Variants in CYP2J2 observed in about 807,000 individuals in gnomAD.
CYP2J2 encodes the protein cytochrome P450 2J2.
In CYP2J2, 41 loss-of-function variants were observed where a neutral mutation model predicts 48.8. The ratio of observed to expected loss-of-function variants is 0.84; its 90% CI spans 0.66 to 1.09. CYP2J2 has a LOEUF of 1.09. Ranked by LOEUF, CYP2J2 falls within the 50% of genes least tolerant of loss-of-function variation. The pLI is 0.00. For synonymous variants in CYP2J2, 221 were observed against 227.1 expected (o/e 0.97, Z 0.24); for missense variants, 644 against 617.3 (o/e 1.04, Z -0.46).
the CYP2J2 span, among the ~76,000 whole-genome samples, chr1:59,949,750 T>G: frequency 6.6e-6 from 1 of 150,464 alleles, no homozygotes; most frequent in Non-Finnish European, 1.5e-5. Flanking sequence ...TGAGTGGAAG[T>G]AGCTCTCAGC....
chr1:59,893,732 ATTGT>A lies in CYP2J2; in HGVS notation c.1424_1427del (p.Asn475MetfsTer4). Reference sequence around the variant, plus strand: ...TTCTAAACTTCAGGCTCAGCTTCTCATTGTTTGGGGGCCTGAAGGTAAATTTTTG... The same window carrying A: ...TTCTAAACTTCAGGCTCAGCTTCTCATTGGGGGCCTGAAGGTAAATTTTTG... On this transcript the variant is annotated frameshift_variant, in exon 9 of 9. Coordinates refer to ENST00000371204, the MANE Select transcript of CYP2J2 (RefSeq NM_000775.4). LOFTEE classifies it low-confidence loss of function (END_TRUNC). 1.9e-6 allele frequency: 3 copies of A among 1,613,254 alleles called. No homozygotes were observed. The highest frequency in any genetic ancestry group is 2.5e-6 in the Non-Finnish European group (3 of 1,179,606).
chr1:59,946,535 A>C, the CYP2J2 span, among the ~76,000 whole-genome samples: 1 of 152,110 alleles, frequency 6.6e-6, no homozygotes, highest in Non-Finnish European at 1.5e-5. Context: ...CCATGAGGGG[A>C]AAGGTTTTTG....
At chr1:59,928,575 C>T (rs1356298475), upstream of CYP2J2, among the ~76,000 whole-genome samples, 2 of 152,174 alleles carry the variant, frequency 1.3e-5, no homozygotes, top group Admixed American at 6.5e-5. Flanking sequence ...TTATACCCAG[C>T]CCCCAGAATG....
At position 59,905,051 on chromosome 1, in the gene CYP2J2, T is replaced by C; in HGVS notation, c.1011A>G (p.Val337=). The C allele has an allele frequency of 1.2e-6, 2 of 1,612,542 alleles. No homozygotes were observed. The highest frequency in any genetic ancestry group is 1.7e-6 in the Non-Finnish European group (2 of 1,179,668). Residue 337 remains valine, a synonymous_variant, in exon 7 of 9, where the codon GTA becomes GTG. Coordinates refer to ENST00000371204, the MANE Select transcript of CYP2J2 (RefSeq NM_000775.4). ...MALYPEIQEK[V]QAEIDRVIGQ... Reference sequence around the variant, plus strand: ...CAATCACTCTGTCAATCTCAGCTTGTACTTTTTCTGGTAAAGAGGGAAGGG... The same window carrying C: ...CAATCACTCTGTCAATCTCAGCTTGCACTTTTTCTGGTAAAGAGGGAAGGG...
At chr1:59,907,511 C>T (rs1363740533) in intron 6 of CYP2J2, among the ~76,000 whole-genome samples, 1 of 152,194 alleles carries the variant, frequency 6.6e-6, no homozygotes, top group African/African-American at 2.4e-5. Context: ...TTAACTGTTT[C>T]CTGGAACTAT....
intron 2 of CYP2J2, chr1:59,913,194 G>A (rs1644434030): frequency 6.6e-6 from 1 of 152,084 alleles, no homozygotes; most frequent in Non-Finnish European, 1.5e-5. Flanking sequence ...CTAATTCTCT[G>A]CCAGCAACTT....
chr1:59,927,564 CAT>C (rs1644577957), upstream of CYP2J2, among the ~76,000 whole-genome samples: 2 of 152,118 alleles, frequency 1.3e-5, no homozygotes, highest in African/African-American at 4.8e-5. Flanking sequence ...CATAGAGTCA[CAT>C]ATTCTGCTTA....
At chr1:59,919,448 C>T (rs933292052) in intron 1 of CYP2J2, among the ~76,000 whole-genome samples, 11 of 152,202 alleles carry the variant, frequency 7.2e-5, no homozygotes, top group Non-Finnish European at 1.2e-4. Flanking sequence ...CACGTGTGCA[C>T]GCATGCACAG....
At chr1:59,947,990 T>G in the CYP2J2 span, among the ~76,000 whole-genome samples, 4 of 152,172 alleles carry the variant, frequency 2.6e-5, no homozygotes, top group Non-Finnish European at 5.9e-5. Context: ...TCTTTCGGTT[T>G]TGCATCTCCC....
chr1:59,958,554 C>T, the CYP2J2 span, among the ~76,000 whole-genome samples: 1,138 of 152,222 alleles, frequency 7.5e-3, 6 homozygotes, highest in Non-Finnish European at 0.012. Flanking sequence ...CCCAGTTCTC[C>T]GGAAGCCCCA....
the CYP2J2 span, among the ~76,000 whole-genome samples, chr1:59,947,626 T>C: frequency 7.2e-5 from 11 of 152,188 alleles, no homozygotes; most frequent in Non-Finnish European, 1.6e-4. Context: ...TCTAAGGCCA[T>C]CGATGAGAGT....
chr1:59,967,099 T>C, the CYP2J2 span, among the ~76,000 whole-genome samples: 17 of 152,282 alleles, frequency 1.1e-4, no homozygotes, highest in African/African-American at 3.9e-4. Flanking sequence ...TTTGAGCAGA[T>C]GTAGTTTTAT....
chr1:59,947,397 T>G, the CYP2J2 span, among the ~76,000 whole-genome samples: 3,710 of 152,234 alleles, frequency 0.024, 55 homozygotes, highest in Non-Finnish European at 0.033. Flanking sequence ...GCATTCCCCT[T>G]AAGACAGGCA....
rs914778409 is a variant in CYP2J2 at position 59,896,304 on chromosome 1, AATATATATATATATACACACCAAGT to A, written c.1331-2500_1331-2476del. On this transcript the variant is annotated intron_variant, in intron 8 of 8. Coordinates refer to ENST00000371204, the MANE Select transcript of CYP2J2 (RefSeq NM_000775.4). Reference sequence around the variant, plus strand: ...AAAGTGTGTGTGTGTACATATATAAAATATATATATATATACACACCAAGTATATATATATATATACACCAAATAT... The same window carrying A: ...AAAGTGTGTGTGTGTACATATATAAAATATATATATATATACACCAAATAT... Among the ~76,000 whole-genome samples the A allele has an allele frequency of 8.7e-5, 13 of 149,318 alleles. 1 individual carries two copies. The highest frequency in any genetic ancestry group is 6.7e-4 in the Admixed American group (10 of 14,936).
At chr1:59,930,683 T>TA (rs974319003), upstream of CYP2J2, among the ~76,000 whole-genome samples, 3 of 151,738 alleles carry the variant, frequency 2.0e-5, no homozygotes, top group Non-Finnish European at 4.4e-5. Flanking sequence ...GTTTTCTCCC[T>TA]AAAAAAAAGT....
Position 59,915,577 on chromosome 1 carries a change from CAGG to C in CYP2J2, c.373+358_373+360del, listed in dbSNP as rs561578117. Among the ~76,000 whole-genome samples the C allele has an allele frequency of 2.1e-3, 313 of 152,262 alleles. 2 individuals carry two copies. Among genetic ancestry groups the C allele is most frequent in the African/African-American group, 7.1e-3 (295 of 41,560 alleles). On this transcript the variant is annotated intron_variant, in intron 2 of 8. Transcript: ENST00000371204. ...AAATAGAGACAGGAAGAAGCAGCAG[CAGG>C]AGGAGGAAGATCCACATCCATTTTC...
In CYP2J2 at chr1:59,893,520, T is replaced by C. The variant is rs899809270; in HGVS notation, c.*131A>G. On this transcript the variant is annotated 3_prime_UTR_variant, in exon 9 of 9. Coordinates refer to ENST00000371204, the MANE Select transcript of CYP2J2 (RefSeq NM_000775.4). ...GCTGGGATTTGGATCTAGTTTTCTC[T>C]GAGTCAAATTCCTCTGATCTTTCTT... 1.5e-6 allele frequency: 1 copy of C among 652,310 alleles called. No homozygotes were observed. The highest frequency in any genetic ancestry group is 3.0e-5 in the Admixed American group (1 of 33,784). 40.4% of individuals were successfully genotyped at this position (652,310 alleles called of 1,614,324 possible).
At chr1:59,941,208 G>A in the CYP2J2 span, among the ~76,000 whole-genome samples, 18 of 152,136 alleles carry the variant, frequency 1.2e-4, no homozygotes, top group Admixed American at 6.5e-5. Flanking sequence ...CTTAGGTTAT[G>A]TGCAGTCACA....
At chr1:59,965,779 G>A in the CYP2J2 span, among the ~76,000 whole-genome samples, 1 of 152,134 alleles carries the variant, frequency 6.6e-6, no homozygotes. Flanking sequence ...AGGCTCCCGA[G>A]TAGCTGGGAT....
Sources: allele counts gnomAD v4.1 joint callset (sites outside exome capture counted in the v4.1 genomes callset), GRCh38; gene constraint gnomAD v4.1.1; transcripts MANE v1.5; gene names NCBI Gene and HGNC (gene_info 2026-07-23, HGNC 2026-07-21).